The following CCDC187 variants were observed in gnomAD, a reference collection of about 807,000 sequenced individuals.
CCDC187 encodes the protein coiled-coil domain containing 187, also known as coiled-coil domain-containing protein 187.
In CCDC187, 32 loss-of-function variants were observed where a neutral mutation model predicts 38.0. The observed-to-expected ratio is 0.84, with a 90% confidence interval of 0.64 to 1.13. The LOEUF (loss-of-function observed/expected upper bound fraction) is 1.13, where lower values mean the gene tolerates loss of function less well. CCDC187 is among the 50% of genes most tolerant of loss of function. The pLI, the probability that CCDC187 is intolerant of heterozygous loss-of-function variation, is 0.00. For missense variants in CCDC187, 707 were observed against 786.8 expected, an observed-to-expected ratio of 0.90 and a Z score of 1.21; for synonymous variants, 333 against 347.9, an observed-to-expected ratio of 0.96 and a Z score of 0.48.
At chr9:136,269,643 T>C (rs529633452) in intron 14 of CCDC187, among the ~76,000 whole-genome samples, 1 of 151,634 alleles carries the variant, frequency 6.6e-6, no homozygotes, top group East Asian at 1.9e-4. Context: ...TGAGACTGTC[T>C]CAAAAGGAAA....
chr9:136,293,212 T>C (rs1411713096), intron 4 of CCDC187, among the ~76,000 whole-genome samples: 2 of 113,228 alleles, frequency 1.8e-5, no homozygotes, highest in Admixed American at 9.1e-5. Context: ...CACAAACACA[T>C]GCTCACACAC....
At chr9:136,260,897 G>A (rs1303959489) in intron 19 of CCDC187, among the ~76,000 whole-genome samples, 1 of 152,206 alleles carries the variant, frequency 6.6e-6, no homozygotes, top group East Asian at 1.9e-4. Context: ...AGGGCATCTT[G>A]ACGCCAGTGT....
Position 136,250,932 on chromosome 9 carries a change from T to C in CCDC187, c.*2662A>G, listed in dbSNP as rs1554759273. ...CAAAGAGGTTCTAAGGGGCCTGGGG[T>C]CTCTCACCAGAGCTATGGGGTAGAG... is the stretch of plus-strand genomic sequence containing the variant. On this transcript the variant is annotated 3_prime_UTR_variant, in exon 26 of 26. Coordinates refer to ENST00000638797, the MANE Select transcript of CCDC187 (RefSeq NM_001378188.1). The C allele has an allele frequency of 2.2e-6, 1 of 451,042 alleles. No homozygotes were observed. The highest frequency in any genetic ancestry group is 1.6e-5 in the South Asian group (1 of 64,484). 27.9% of individuals were successfully genotyped at this position (451,042 alleles called of 1,614,324 possible). A position where few individuals can be genotyped will look rare whatever the true frequency, so the allele number is the denominator to read the frequency against.
In CCDC187 at chr9:136,288,732, G is replaced by A. The variant is rs1047350787; in HGVS notation, c.2222+1227C>T. Among the ~76,000 whole-genome samples the A allele has an allele frequency of 2.5e-3, 376 of 152,324 alleles. 2 individuals are homozygous for A. The highest frequency in any genetic ancestry group is 8.6e-3 in the African/African-American group (358 of 41,584). ...TGATTCACGATGCCCCAGGGGGAGG[G>A]GCCTCCAGAAATTAAAATACACAGT... On this transcript the variant is annotated intron_variant, in intron 7 of 25. Coordinates refer to ENST00000638797, the MANE Select transcript of CCDC187 (RefSeq NM_001378188.1).
chr9:136,262,578 T>A, intron 18 of CCDC187, 116 bp from the exon 19 acceptor site: 2 of 860,290 alleles, frequency 2.3e-6, no homozygotes, highest in Non-Finnish European at 2.8e-6. Context: ...GTGCCGGGGC[T>A]GCTTGCTCCC....
At chr9:136,283,110 G>A (rs1386289646) in intron 9 of CCDC187, among the ~76,000 whole-genome samples, 1 of 152,200 alleles carries the variant, frequency 6.6e-6, no homozygotes, top group Non-Finnish European at 1.5e-5. Flanking sequence ...TTAGCTGGGC[G>A]TGGTGGCGGG....
chr9:136,261,276 G>A (rs1331161392), intron 19 of CCDC187, among the ~76,000 whole-genome samples: 1 of 152,176 alleles, frequency 6.6e-6, no homozygotes, highest in African/African-American at 2.4e-5. Context: ...AGGACCCCCA[G>A]CAAAACACCG....
At position 136,252,881 on chromosome 9, in the gene CCDC187, G is replaced by C. The variant is rs1475646231; in HGVS notation, c.*713C>G. On this transcript the variant is annotated 3_prime_UTR_variant, in exon 26 of 26. Transcript: ENST00000638797. ...CGGCTTTCTGCCCAGTGAGCCCTCG[G>C]GCCTGGGTGGGTCCTCTACCTGGCA... is the stretch of plus-strand genomic sequence containing the variant. 6.6e-6 allele frequency: 1 copy of C among 152,292 alleles called. No homozygotes were observed. The highest frequency in any genetic ancestry group is 1.5e-5 in the Non-Finnish European group (1 of 68,134). 9.4% of individuals were successfully genotyped at this position (152,292 alleles called of 1,614,324 possible). A position where few individuals can be genotyped will look rare whatever the true frequency, so the allele number is the denominator to read the frequency against.
At chr9:136,294,512 T>G (rs1831487633) in intron 4 of CCDC187, among the ~76,000 whole-genome samples, 1 of 152,228 alleles carries the variant, frequency 6.6e-6, no homozygotes, top group South Asian at 2.1e-4. Flanking sequence ...CTGGCCCCCA[T>G]GAAGGGGGAC....
chr9:136,259,534 C>T, intron 20 of CCDC187, 86 bp from the exon 21 acceptor site: 1 of 619,310 alleles, frequency 1.6e-6, no homozygotes, highest in Non-Finnish European at 2.0e-6. Context: ...CAGAATGGAG[C>T]TGCCAGGGGG....
chr9:136,282,168 G>A (rs984782321), intron 9 of CCDC187, among the ~76,000 whole-genome samples: 22 of 152,366 alleles, frequency 1.4e-4, no homozygotes, highest in African/African-American at 4.8e-4. Flanking sequence ...ACGGGGTCAC[G>A]CATCAGCTGT....
chr9:136,280,777 CA>C (rs1161488405), intron 10 of CCDC187, among the ~76,000 whole-genome samples: 1 of 152,216 alleles, frequency 6.6e-6, no homozygotes, highest in Non-Finnish European at 1.5e-5. Flanking sequence ...CCCACTCCCC[CA>C]GGCCTTCCTC....
chr9:136,287,028 G>T (rs1831199239), intron 7 of CCDC187, among the ~76,000 whole-genome samples: 1 of 152,232 alleles, frequency 6.6e-6, no homozygotes, highest in Non-Finnish European at 1.5e-5. Context: ...CACGCACCCA[G>T]AAGAGCTGAA....
intron 4 of CCDC187, among the ~76,000 whole-genome samples, chr9:136,294,573 A>C (rs955572315): frequency 6.6e-6 from 1 of 152,114 alleles, no homozygotes; most frequent in Admixed American, 6.5e-5. Context: ...AGAGCTGAGC[A>C]CCCAGGGGCA....
intron 15 of CCDC187, chr9:136,267,760 T>C (rs1830772607): frequency 2.2e-6 from 2 of 898,000 alleles, no homozygotes; most frequent in Non-Finnish European, 2.7e-6. Flanking sequence ...CCAGCCCTGA[T>C]CCAGGAAGCC....
intron 3 of CCDC187, 52 bp downstream of exon 3, chr9:136,300,168 G>A (rs1490030842): frequency 4.5e-5 from 18 of 398,296 alleles, no homozygotes; most frequent in East Asian, 4.3e-4. Flanking sequence ...CCCCCATCAT[G>A]GCCTGAGCAT....
intron 14 of CCDC187, among the ~76,000 whole-genome samples, 169 bp downstream of exon 14, chr9:136,274,485 TCAGA>T (rs1453187924): frequency 6.6e-6 from 1 of 152,058 alleles, no homozygotes; most frequent in African/African-American, 2.4e-5. Flanking sequence ...AGTGCTGGAG[TCAGA>T]CAGACCTGGC....
At position 136,259,015 on chromosome 9, in the gene CCDC187, C is replaced by T. The variant is rs1417705961; in HGVS notation, c.4297-14G>A. ...CGCCTCCTCGGCCTGGGGGGTGAGA[C>T]GGGAGTGGACATGGCACAGGGCCCT... is the stretch of plus-strand genomic sequence containing the variant. On this transcript the variant is annotated splice_polypyrimidine_tract_variant and intron_variant, in intron 21 of 25. Transcript: ENST00000638797. 3 of 985,456 alleles carry T rather than the reference C, an allele frequency of 3.0e-6. No homozygotes were observed. The highest frequency in any genetic ancestry group is 4.7e-5 in the South Asian group (1 of 21,288). 61.0% of individuals were successfully genotyped at this position (985,456 alleles called of 1,614,324 possible).
At chr9:136,255,503 T>C (rs1449641055) in intron 25 of CCDC187, among the ~76,000 whole-genome samples, 154 bp downstream of exon 25, 1 of 152,222 alleles carries the variant, frequency 6.6e-6, no homozygotes, top group East Asian at 1.9e-4. Flanking sequence ...AACCCTGTGA[T>C]GGGGAGGTGC....
Sources: gnomAD v4.1 joint callset for allele counts (sites outside exome capture counted in the v4.1 genomes callset) on GRCh38, gnomAD v4.1.1 for gene constraint, MANE v1.5 for transcripts, NCBI Gene and HGNC (gene_info 2026-07-23, HGNC 2026-07-21) for gene names.